STAU2: variants seen among roughly 807,000 people sequenced by gnomAD.
STAU2 encodes the protein double-stranded RNA-binding protein Staufen homolog 2.
STAU2 carries 20 observed loss-of-function variants against 65.9 expected under a neutral mutation model. The ratio of observed to expected loss-of-function variants is 0.30; its 90% confidence interval spans 0.21 to 0.44. The LOEUF (loss-of-function observed/expected upper bound fraction) is 0.44, where lower values mean the gene tolerates loss of function less well. Ranked by LOEUF, STAU2 falls within the 20% of genes least tolerant of loss-of-function variation. The pLI is 1.00. For synonymous variants in STAU2, 232 were observed against 233.9 expected (o/e 0.99, Z 0.07); for missense variants, 558 against 683.9 (o/e 0.82, Z 2.05).
rs1171880625 is a variant in STAU2, at chr8:73,617,456, A to T, written c.411-5T>A. On this transcript the variant is annotated splice_region_variant and splice_polypyrimidine_tract_variant and intron_variant, in intron 6 of 14. Coordinates refer to ENST00000524300, the MANE Select transcript of STAU2 (RefSeq NM_001164380.2). ...TTAGGCACTGGGCAATGATACCTAA[A>T]ATAAGAAAATAAAAACATTAAAGTT... The T allele has an allele frequency of 6.2e-7, 1 of 1,610,354 alleles. No individual in the cohort carries two copies. The highest frequency in any genetic ancestry group is 8.5e-7 in the Non-Finnish European group (1 of 1,178,972).
At chr8:73,699,870 A>AAAAAC (rs1411735447) in intron 4 of STAU2, among the ~76,000 whole-genome samples, 1 of 151,624 alleles carries the variant, frequency 6.6e-6, no homozygotes, top group African/African-American at 2.4e-5. Flanking sequence ...CAAAAAAAAA[A>AAAAAC]AAAAAAAAAC....
chr8:73,513,655 T>C lies in STAU2; in HGVS notation c.1530+38357A>G, dbSNP rs889479385. ...GTGCCATTTTCCCAAATCTCCCTGA[T>C]AGATTTCTGGCTAGTCTGCTGATAC... On this transcript the variant is annotated intron_variant, in intron 13 of 14. Transcript: ENST00000524300. 2.0e-5 allele frequency among the ~76,000 whole-genome samples: 3 copies of C among 152,144 alleles called. 1 individual carries two copies. Among genetic ancestry groups the C allele is most frequent in the Admixed American group, 2.0e-4 (3 of 15,278 alleles).
At chr8:73,646,559 T>A (rs1043453463) in intron 6 of STAU2, among the ~76,000 whole-genome samples, 10 of 152,110 alleles carry the variant, frequency 6.6e-5, no homozygotes, top group African/African-American at 2.2e-4. Context: ...GACCTAAACA[T>A]GACACCTGAT....
chr8:73,449,413 T>C (rs1485585113), intron 13 of STAU2, among the ~76,000 whole-genome samples: 1 of 152,186 alleles, frequency 6.6e-6, no homozygotes, highest in African/African-American at 2.4e-5. Flanking sequence ...CAGATTGGAT[T>C]GGGGCCAACT....
At chr8:73,746,694 G>T in intron 1 of STAU2, 89 bp downstream of exon 1, 1 of 804,974 alleles carries the variant, frequency 1.2e-6, no homozygotes, top group Non-Finnish European at 1.7e-6. Context: ...CCGTGCTGCG[G>T]AACTGCAGGG....
At position 73,698,793 on chromosome 8, in the gene STAU2, T is replaced by C. The variant is rs562434267; in HGVS notation, c.115-9980A>G. Among the ~76,000 whole-genome samples, 4 of 152,002 alleles carry C rather than the reference T, an allele frequency of 2.6e-5. No individual in the cohort carries two copies. The South Asian group carries it at 6.2e-4, about 24-fold the overall frequency. On this transcript the variant is annotated intron_variant, in intron 4 of 14. Coordinates refer to ENST00000524300, the MANE Select transcript of STAU2 (RefSeq NM_001164380.2). ...GAAACATCAGAGTTATTCTGCACTA[T>C]AGACAAAATGGATCTAGTAGATATT...
At chr8:73,690,286 G>A (rs555497104) in intron 4 of STAU2, among the ~76,000 whole-genome samples, 36 of 134,186 alleles carry the variant, frequency 2.7e-4, no homozygotes, top group East Asian at 9.6e-4. Context: ...CCGAGATTGC[G>A]CCACTGCACT....
intron 3 of STAU2, among the ~76,000 whole-genome samples, chr8:73,723,827 C>A (rs747314070): frequency 6.6e-6 from 1 of 152,136 alleles, no homozygotes; most frequent in Non-Finnish European, 1.5e-5. Context: ...TCAATTTTGA[C>A]GGAAGATTCT....
chr8:73,641,051 C>T (rs1205423124), intron 6 of STAU2, among the ~76,000 whole-genome samples: 1 of 152,040 alleles, frequency 6.6e-6, no homozygotes, highest in Non-Finnish European at 1.5e-5. Flanking sequence ...TAATACTTGC[C>T]CACTGAGTGA....
intron 13 of STAU2, among the ~76,000 whole-genome samples, chr8:73,427,678 C>G (rs937602435): frequency 2.6e-5 from 4 of 152,276 alleles, no homozygotes; most frequent in African/African-American, 7.2e-5. Context: ...CCACCTCACA[C>G]ATGCGCGTGG....
At chr8:73,548,053 T>C (rs1303550308) in intron 13 of STAU2, among the ~76,000 whole-genome samples, 1 of 152,104 alleles carries the variant, frequency 6.6e-6, no homozygotes, top group Non-Finnish European at 1.5e-5. Flanking sequence ...CAACATTTTA[T>C]ATAAGGGACT....
At chr8:73,550,846 C>T (rs984326366) in intron 13 of STAU2, 30 of 987,104 alleles carry the variant, frequency 3.0e-5, no homozygotes, top group African/African-American at 2.1e-4. Context: ...CAGAAGGGTT[C>T]GGTGAAGTGA....
chr8:73,531,030 T>C (rs1261909855), intron 13 of STAU2, among the ~76,000 whole-genome samples: 2 of 152,120 alleles, frequency 1.3e-5, no homozygotes, highest in Non-Finnish European at 2.9e-5. Flanking sequence ...TCCTCTACCC[T>C]AGTCACCCTC....
chr8:73,488,511 C>A (rs890410981), intron 13 of STAU2, among the ~76,000 whole-genome samples: 1 of 151,870 alleles, frequency 6.6e-6, no homozygotes, highest in African/African-American at 2.4e-5. Flanking sequence ...TTAAAAATCA[C>A]CTTGAGGTTA....
chr8:73,538,168 T>C (rs1391890382), intron 13 of STAU2, among the ~76,000 whole-genome samples: 1 of 152,168 alleles, frequency 6.6e-6, no homozygotes, highest in South Asian at 2.1e-4. Context: ...AGGACATTAG[T>C]AGGAAAACTG....
intron 6 of STAU2, among the ~76,000 whole-genome samples, chr8:73,628,259 A>T (rs1375806714): frequency 6.0e-5 from 9 of 150,796 alleles, no homozygotes; most frequent in Non-Finnish European, 1.3e-4. Flanking sequence ...TTTTGTAGAG[A>T]CAGGCACTCC....
intron 6 of STAU2, among the ~76,000 whole-genome samples, chr8:73,646,920 A>G (rs1815417438): frequency 7.1e-6 from 1 of 140,676 alleles, no homozygotes; most frequent in African/African-American, 2.7e-5. Flanking sequence ...GAGATATTTC[A>G]CCAAAGACAC....
intron 1 of STAU2, chr8:73,742,345 G>C (rs114509215): frequency 0.013 from 6,140 of 490,330 alleles, 321 homozygotes; most frequent in African/African-American, 0.12. Flanking sequence ...CTAGCCTGGC[G>C]AACACGGCAA....
chr8:73,455,239 TCA>T (rs1818999478), intron 13 of STAU2, among the ~76,000 whole-genome samples: 1 of 152,118 alleles, frequency 6.6e-6, no homozygotes, highest in African/African-American at 2.4e-5. Flanking sequence ...ATCTAGAGAC[TCA>T]CAGCTATCTG....
Sources: allele counts gnomAD v4.1 joint callset (sites outside exome capture counted in the v4.1 genomes callset), GRCh38; gene constraint gnomAD v4.1.1; transcripts MANE v1.5; gene names NCBI Gene and HGNC (gene_info 2026-07-23, HGNC 2026-07-21).